IQCH: variants seen among roughly 807,000 people sequenced by gnomAD.
IQCH encodes IQ motif containing H.
Under a neutral mutation model 117.0 loss-of-function variants are expected in IQCH, and 98 were observed. That is an observed-to-expected ratio of 0.84 (90% CI 0.71 to 0.99). The LOEUF is 0.99. Ranked by LOEUF, IQCH falls within the 50% of genes least tolerant of loss-of-function variation. The pLI is 0.00. For missense variants in IQCH, 1,102 were observed against 1,243.8 expected (o/e 0.89, Z 1.72); for synonymous variants, 412 against 448.2 (o/e 0.92, Z 1.02).
intron 6 of IQCH, among the ~76,000 whole-genome samples, chr15:67,351,120 C>T (rs1969641303): frequency 6.6e-6 from 1 of 152,118 alleles, no homozygotes; most frequent in African/African-American, 2.4e-5. Context: ...ATGTGCTGAA[C>T]GTGCAGGTTT....
chr15:67,403,228 C>T lies in IQCH; in HGVS notation c.2097+2923C>T, dbSNP rs1450223831. Among the ~76,000 whole-genome samples the T allele has an allele frequency of 2.0e-5, 3 of 150,606 alleles. No homozygotes were observed. The highest frequency in any genetic ancestry group is 2.1e-4 in the South Asian group (1 of 4,748). On this transcript the variant is annotated intron_variant, in intron 14 of 20. Transcript: ENST00000335894. This position sits in a 1 kb window ranked among gnomAD's most constrained non-coding sequence, Gnocchi z 4.8. ...TCACACCACTGCACTCCAGCCTGGG[C>T]GACAGAGTGAGACACTGTCTCAAAA... is the stretch of plus-strand genomic sequence containing the variant.
chr15:67,377,141 A>G (rs28507769), intron 10 of IQCH, among the ~76,000 whole-genome samples: 1 of 151,416 alleles, frequency 6.6e-6, no homozygotes, highest in Non-Finnish European at 1.5e-5. Context: ...AGAAAAAAAG[A>G]AAAAAAGAAA....
chr15:67,311,208 AATT>A (rs1449149349), intron 4 of IQCH, among the ~76,000 whole-genome samples: 1 of 152,048 alleles, frequency 6.6e-6, no homozygotes, highest in Non-Finnish European at 1.5e-5. Flanking sequence ...ACTAATCCTT[AATT>A]ATTAAGGAAT....
At chr15:67,434,072 A>ATGTG (rs58580724) in intron 16 of IQCH, among the ~76,000 whole-genome samples, 2,339 of 151,464 alleles carry the variant, frequency 0.015, 61 homozygotes, top group African/African-American at 0.054. Flanking sequence ...TCTCACTTGG[A>ATGTG]TGTGTGTGTG....
rs1474009709 is a variant in IQCH at position 67,366,758 on chromosome 15, C to G, written c.754-5353C>G. Among the ~76,000 whole-genome samples, 1 of 152,210 alleles carries G rather than the reference C, an allele frequency of 6.6e-6. No homozygotes were observed. Among genetic ancestry groups the G allele is most frequent in the East Asian group, 1.9e-4 (1 of 5,202 alleles). On this transcript the variant is annotated intron_variant, in intron 8 of 20. Transcript: ENST00000335894. This position sits in a 1 kb window ranked among gnomAD's most constrained non-coding sequence, Gnocchi z 4.4. The stretch of plus-strand genomic sequence containing the variant: ...TTATGAACTGAGAGCCATTGACTTG[C>G]AGGCCCCAGAATACTGGAACACTAC...
rs1379145556 is a variant in IQCH, at chr15:67,384,629, A to G, written c.1373-307A>G. Among the ~76,000 whole-genome samples, 2 of 152,098 alleles carry G rather than the reference A, an allele frequency of 1.3e-5. No individual in the cohort carries two copies. The highest frequency in any genetic ancestry group is 1.3e-4 in the Admixed American group (2 of 15,250). ...GCATAATTTTCTTACACATCCTTGT[A>G]AACATTCATATTGCATGTCAGAAAT... On this transcript the variant is annotated intron_variant, in intron 10 of 20. Transcript: ENST00000335894. The surrounding 1 kb of genome is among the most constrained non-coding windows in gnomAD (Gnocchi z 4.3).
chr15:67,272,408 G>A lies in IQCH; in HGVS notation c.270-6987G>A, dbSNP rs185672651. On this transcript the variant is annotated intron_variant, in intron 3 of 20. Transcript: ENST00000335894. ...AAAGAATGTGTATTCTATAGCAGTTGGGTGAAATGTCCTTTAAATGTCAGT... is the reference window on the plus strand; with the variant it reads ...AAAGAATGTGTATTCTATAGCAGTTAGGTGAAATGTCCTTTAAATGTCAGT... Among the ~76,000 whole-genome samples, 369 of 152,234 alleles carry A rather than the reference G, an allele frequency of 2.4e-3. 2 individuals carry two copies. The highest frequency in any genetic ancestry group is 0.01 in the Middle Eastern group (3 of 294).
intron 13 of IQCH, among the ~76,000 whole-genome samples, chr15:67,398,999 A>C (rs1336795298): frequency 6.6e-6 from 1 of 152,180 alleles, no homozygotes; most frequent in African/African-American, 2.4e-5. Context: ...TCATCTTGCT[A>C]TAGACTTTTA....
chr15:67,319,164 T>G (rs1056051643), intron 4 of IQCH, among the ~76,000 whole-genome samples: 1 of 152,054 alleles, frequency 6.6e-6, no homozygotes, highest in Admixed American at 6.6e-5. Context: ...GAGGCGGAGC[T>G]TGCAGTGAGC....
At position 67,372,470 on chromosome 15, in the gene IQCH, GGCC is replaced by G; in HGVS notation, c.1117_1119del (p.Ala373del). On this transcript the variant is annotated inframe_deletion, in exon 9 of 21. Coordinates refer to ENST00000335894, the MANE Select transcript of IQCH (RefSeq NM_001031715.3). ...ACAAGGGCCAAGATGGAAATTCGGA[GGCC>G]GCCATGAAGATCCAAGCCACATGGA... 1 of 1,613,978 alleles carries G rather than the reference GGCC, an allele frequency of 6.2e-7. No homozygotes were observed. The highest frequency in any genetic ancestry group is 1.3e-5 in the African/African-American group (1 of 74,994).
At chr15:67,258,552 A>G (rs945608062) in intron 1 of IQCH, among the ~76,000 whole-genome samples, 1 of 151,902 alleles carries the variant, frequency 6.6e-6, no homozygotes, top group African/African-American at 2.4e-5. Context: ...AAAAGAATGA[A>G]GTTAAAGATA....
chr15:67,319,175 C>T (rs894332095), intron 4 of IQCH, among the ~76,000 whole-genome samples: 7 of 151,916 alleles, frequency 4.6e-5, no homozygotes, highest in Non-Finnish European at 8.8e-5. Context: ...TGCAGTGAGC[C>T]GAGATGGGGC....
chr15:67,347,947 G>C (rs1260684465), intron 6 of IQCH, among the ~76,000 whole-genome samples: 1 of 149,268 alleles, frequency 6.7e-6, no homozygotes, highest in Non-Finnish European at 1.5e-5. Flanking sequence ...GACCATGTGG[G>C]GTTTATCCTA....
intron 4 of IQCH, among the ~76,000 whole-genome samples, chr15:67,297,712 G>A (rs1966863402): frequency 6.6e-6 from 1 of 152,072 alleles, no homozygotes; most frequent in Admixed American, 6.5e-5. Context: ...ATGCAAACAA[G>A]GTCCACACAT....
intron 4 of IQCH, among the ~76,000 whole-genome samples, chr15:67,292,523 G>A (rs1966786613): frequency 6.6e-6 from 1 of 152,064 alleles, no homozygotes; most frequent in Non-Finnish European, 1.5e-5. Context: ...AAAATGCTGG[G>A]ATTACAGGGG....
rs201719354 is a variant in IQCH at position 67,384,973 on chromosome 15, C to T, written c.1410C>T (p.Phe470=). 14 of 1,612,416 alleles carry T rather than the reference C, an allele frequency of 8.7e-6. No homozygotes were observed. The Admixed American group carries it at 1.2e-4, about 13-fold the overall frequency. The change falls in exon 11 of 21, where the codon TTC becomes TTT. Residue 470 remains phenylalanine (F), a synonymous_variant. Coordinates refer to ENST00000335894, the MANE Select transcript of IQCH (RefSeq NM_001031715.3). The surrounding 1 kb of genome is among the most constrained non-coding windows in gnomAD (Gnocchi z 4.3). ...CTGTGAGAGAACATATTGCCGATTT[C>T]AACACACAGCAGAACATGCAGCTGG... ...SQPVREHIAD[F]NTQQNMQLGR...
At chr15:67,327,784 CCT>C (rs1008071167) in intron 4 of IQCH, among the ~76,000 whole-genome samples, 2 of 152,170 alleles carry the variant, frequency 1.3e-5, no homozygotes, top group African/African-American at 4.8e-5. Context: ...TCCTTTAAAA[CCT>C]CTTTCAGATA....
Position 67,408,394 on chromosome 15 carries a change from T to C in IQCH, c.2097+8089T>C, listed in dbSNP as rs566844090. ...GATGCCCTTGAGAAAACTCAGACTT[T>C]CCTGTGACTGTGCCAGATCCAACAA... On this transcript the variant is annotated intron_variant, in intron 14 of 20. Coordinates refer to ENST00000335894, the MANE Select transcript of IQCH (RefSeq NM_001031715.3). This position sits in a 1 kb window ranked among gnomAD's most constrained non-coding sequence, Gnocchi z 4.2. 1 of 152,344 alleles carries C rather than the reference T, an allele frequency of 6.6e-6. No individual in the cohort carries two copies. The highest frequency in any genetic ancestry group is 2.1e-4 in the South Asian group (1 of 4,830). 9.4% of individuals were successfully genotyped at this position (152,344 alleles called of 1,614,324 possible).
rs548389975 is a variant in IQCH, at chr15:67,402,359, A to C, written c.2097+2054A>C. On this transcript the variant is annotated intron_variant, in intron 14 of 20. Transcript: ENST00000335894. ...TCTGAAAAGGTGCCTCTTTTTTTGTAGGAGCCTATTGACATTCTTTTGCCT... is the reference window on the plus strand; with the variant it reads ...TCTGAAAAGGTGCCTCTTTTTTTGTCGGAGCCTATTGACATTCTTTTGCCT... 2.0e-3 allele frequency among the ~76,000 whole-genome samples: 312 copies of C among 152,282 alleles called. 1 individual carries two copies. Among genetic ancestry groups the C allele is most frequent in the Non-Finnish European group, 2.6e-3 (180 of 68,014 alleles).
Sources: gnomAD v4.1 joint callset for allele counts (sites outside exome capture counted in the v4.1 genomes callset) on GRCh38, gnomAD v4.1.1 for gene constraint, Gnocchi (gnomAD v3.1) non-coding constraint, MANE v1.5 for transcripts, NCBI Gene and HGNC (gene_info 2026-07-23, HGNC 2026-07-21) for gene names.